Variants in PKNOX2 observed in about 807,000 individuals in gnomAD.
PKNOX2 encodes the protein PBX/knotted 1 homeobox 2.
In PKNOX2, 14 loss-of-function variants were observed where a neutral mutation model predicts 53.1. That is an observed-to-expected ratio of 0.26 (90% confidence interval 0.17 to 0.41). PKNOX2 has a LOEUF of 0.41. Ranked by LOEUF, PKNOX2 falls within the 10% of genes least tolerant of loss-of-function variation. PKNOX2 has a pLI of 1.00. For missense variants in PKNOX2, 496 were observed against 602.8 expected (o/e 0.82, Z 1.85); for synonymous variants, 257 against 242.8 (o/e 1.06, Z -0.54).
chr11:125,358,640 G>A (rs932263304), intron 4 of PKNOX2, among the ~76,000 whole-genome samples: 4 of 152,252 alleles, frequency 2.6e-5, no homozygotes, highest in East Asian at 1.9e-4. Context: ...AGAGGTGACC[G>A]AGGCCTGCTG....
intron 5 of PKNOX2, among the ~76,000 whole-genome samples, chr11:125,376,390 C>G (rs1484904058): frequency 6.6e-6 from 1 of 152,208 alleles, no homozygotes; most frequent in Non-Finnish European, 1.5e-5. Context: ...TCCCACCCCC[C>G]TCTGTTCTCT....
intron 3 of PKNOX2, among the ~76,000 whole-genome samples, chr11:125,345,423 G>A (rs890193968): frequency 9.9e-5 from 15 of 151,898 alleles, no homozygotes; most frequent in African/African-American, 3.1e-4. Context: ...CTCAGTTCTC[G>A]GTGCCAACCC....
intron 1 of PKNOX2, among the ~76,000 whole-genome samples, chr11:125,209,179 A>G (rs553012113): frequency 6.6e-6 from 1 of 152,256 alleles, no homozygotes; most frequent in South Asian, 2.1e-4. Context: ...TCCTCACAAC[A>G]CTTAAGGGAG....
intron 1 of PKNOX2, among the ~76,000 whole-genome samples, chr11:125,208,637 T>C (rs145288107): frequency 1.4e-4 from 21 of 152,168 alleles, no homozygotes; most frequent in African/African-American, 4.6e-4. Flanking sequence ...GGGCTTAAAA[T>C]GTGCCTGTGT....
chr11:125,419,447 A>G (rs560577018), intron 10 of PKNOX2, among the ~76,000 whole-genome samples: 22 of 92,410 alleles, frequency 2.4e-4, no homozygotes, highest in South Asian at 1.6e-3. Flanking sequence ...CCCCTGAAAA[A>G]AAAAGAAAAA....
intron 2 of PKNOX2, among the ~76,000 whole-genome samples, chr11:125,317,246 C>T (rs1949255794): frequency 6.6e-6 from 1 of 152,218 alleles, no homozygotes; most frequent in African/African-American, 2.4e-5. Flanking sequence ...CCCTCAAAGT[C>T]ATCTATGAGG....
rs1038920375 is a variant in PKNOX2 at position 125,362,459 on chromosome 11, G to A, written c.88-5387G>A. 2.6e-4 allele frequency among the ~76,000 whole-genome samples: 39 copies of A among 151,984 alleles called. 1 individual carries two copies. Among genetic ancestry groups the A allele is most frequent in the African/African-American group, 8.5e-4 (35 of 41,382 alleles). Reference sequence around the variant, plus strand: ...TACGACCATAGTTCACAGCAGCCTCGACTTTCTGGACTCAAGCAATCCTCC... The same window carrying A: ...TACGACCATAGTTCACAGCAGCCTCAACTTTCTGGACTCAAGCAATCCTCC... On this transcript the variant is annotated intron_variant, in intron 4 of 12. Transcript: ENST00000298282.
At chr11:125,260,387 C>T (rs981762489) in intron 2 of PKNOX2, among the ~76,000 whole-genome samples, 9 of 151,856 alleles carry the variant, frequency 5.9e-5, no homozygotes, top group Admixed American at 3.3e-4. Flanking sequence ...TTAGTAGAGA[C>T]GGGGTTTCAC....
intron 1 of PKNOX2, among the ~76,000 whole-genome samples, chr11:125,198,919 C>A (rs961382078): frequency 4.6e-5 from 7 of 151,610 alleles, no homozygotes; most frequent in Admixed American, 3.3e-4. Context: ...TGGCTCACTG[C>A]AACCTCCACC....
In PKNOX2 at chr11:125,431,414, G is replaced by A; in HGVS notation, c.*22G>A. ...GTAGTCGGGCAGCCCAGATGGCACTGATCACTGAGCAGGAGAGGAGTGTCG... is the reference window on the plus strand; with the variant it reads ...GTAGTCGGGCAGCCCAGATGGCACTAATCACTGAGCAGGAGAGGAGTGTCG... On this transcript the variant is annotated 3_prime_UTR_variant, in exon 13 of 13. Coordinates refer to ENST00000298282, the MANE Select transcript of PKNOX2 (RefSeq NM_001382323.2). 6.8e-7 allele frequency: 1 copy of A among 1,465,674 alleles called. No individual in the cohort carries two copies. Among genetic ancestry groups the A allele is most frequent in the Non-Finnish European group, 9.2e-7 (1 of 1,088,332 alleles). The allele number at this position is 1,465,674 out of a possible 1,614,324, so 90.8% of individuals were successfully genotyped here.
At chr11:125,406,874 G>A (rs1033341656) in intron 7 of PKNOX2, among the ~76,000 whole-genome samples, 1 of 131,658 alleles carries the variant, frequency 7.6e-6, no homozygotes, top group African/African-American at 2.9e-5. Context: ...ATTGCTAGAT[G>A]ATGGGTGAGG....
intron 2 of PKNOX2, among the ~76,000 whole-genome samples, chr11:125,294,152 C>T (rs1947499487): frequency 6.6e-6 from 1 of 152,196 alleles, no homozygotes; most frequent in Non-Finnish European, 1.5e-5. Context: ...ATGTTAACTA[C>T]AGGAAATTAA....
intron 2 of PKNOX2, among the ~76,000 whole-genome samples, chr11:125,294,336 C>T (rs185439128): frequency 1.3e-5 from 2 of 152,028 alleles, no homozygotes; most frequent in South Asian, 2.1e-4. Context: ...CGAAAAGGCA[C>T]GAACCAGAGC....
chr11:125,346,079 C>A (rs1023330716), intron 3 of PKNOX2, among the ~76,000 whole-genome samples: 11 of 149,526 alleles, frequency 7.4e-5, no homozygotes, highest in African/African-American at 2.5e-4. Context: ...ACTAATGCAG[C>A]TTTTCGGTCC....
chr11:125,414,304 C>A (rs2135571004), intron 10 of PKNOX2, among the ~76,000 whole-genome samples: 1 of 152,314 alleles, frequency 6.6e-6, no homozygotes, highest in Admixed American at 6.5e-5. Flanking sequence ...GCTTTCTGCC[C>A]ACACTTTCCC....
intron 2 of PKNOX2, among the ~76,000 whole-genome samples, chr11:125,253,392 G>A (rs1944156133): frequency 6.6e-6 from 1 of 152,128 alleles, no homozygotes; most frequent in Non-Finnish European, 1.5e-5. Context: ...AAGAAGGAAG[G>A]AGAGAGTCCT....
intron 2 of PKNOX2, among the ~76,000 whole-genome samples, chr11:125,308,733 T>G (rs1417588888): frequency 2.0e-5 from 3 of 152,124 alleles, no homozygotes; most frequent in Non-Finnish European, 4.4e-5. Flanking sequence ...TTTTCTTGTC[T>G]CCTAACAACT....
chr11:125,399,192 A>G (rs957684599), intron 7 of PKNOX2, among the ~76,000 whole-genome samples: 3 of 152,254 alleles, frequency 2.0e-5, no homozygotes, highest in African/African-American at 4.8e-5. Context: ...CCCAGGACAT[A>G]GGGCAAGAAG....
intron 2 of PKNOX2, among the ~76,000 whole-genome samples, chr11:125,273,567 T>G (rs1945959831): frequency 6.6e-6 from 1 of 152,140 alleles, no homozygotes; most frequent in Admixed American, 6.5e-5. Flanking sequence ...TGTGGTTTTG[T>G]GAGTTCTATG....
Sources: gnomAD v4.1 joint callset for allele counts (sites outside exome capture counted in the v4.1 genomes callset) on GRCh38, gnomAD v4.1.1 for gene constraint, MANE v1.5 for transcripts, NCBI Gene and HGNC (gene_info 2026-07-23, HGNC 2026-07-21) for gene names.